The following THEMIS variants were observed in gnomAD, a reference collection of about 807,000 sequenced individuals.
THEMIS encodes thymocyte selection associated.
A neutral mutation model predicts 52.6 loss-of-function variants in THEMIS; 37 were observed. The ratio of observed to expected loss-of-function variants is 0.70; its 90% confidence interval spans 0.54 to 0.93. The LOEUF is 0.93. Among genes scored for constraint, THEMIS ranks in the 40% least tolerant of loss-of-function variants. The probability of loss-of-function intolerance (pLI) is 0.00; values close to 1 mark genes in which losing one functional copy is unlikely to be tolerated. For missense variants in THEMIS, 808 were observed against 763.1 expected (o/e 1.06, Z -0.69); for synonymous variants, 292 against 272.7 (o/e 1.07, Z -0.70).
chr6:127,716,932 C>G (rs938561280), intron 5 of THEMIS, among the ~76,000 whole-genome samples: 4 of 151,838 alleles, frequency 2.6e-5, no homozygotes, highest in African/African-American at 7.3e-5. Context: ...TTTCTCACCC[C>G]CTCCATGTTC....
At chr6:127,697,598 C>G in the THEMIS span, among the ~76,000 whole-genome samples, 233 of 152,244 alleles carry the variant, frequency 1.5e-3, 2 homozygotes, top group African/African-American at 5.5e-3. Context: ...TTTTCCCTAG[C>G]TATTCTCCAA....
intron 1 of THEMIS, among the ~76,000 whole-genome samples, chr6:127,876,403 C>A (rs1212019515): frequency 6.6e-6 from 1 of 152,174 alleles, no homozygotes; most frequent in African/African-American, 2.4e-5. Context: ...GAGTTCAGTT[C>A]TTGATATATT....
intron 3 of THEMIS, among the ~76,000 whole-genome samples, chr6:127,822,825 A>C (rs1778385743): frequency 6.6e-6 from 1 of 152,044 alleles, no homozygotes; most frequent in Non-Finnish European, 1.5e-5. Context: ...GGTGGTCTTA[A>C]GAGCAAAAAC....
the THEMIS span, among the ~76,000 whole-genome samples, chr6:127,698,693 T>C: frequency 6.6e-6 from 1 of 152,010 alleles, no homozygotes; most frequent in African/African-American, 2.4e-5. Flanking sequence ...AGAAGCTATA[T>C]ACTACATATT....
chr6:127,833,212 A>C (rs1489320823), intron 2 of THEMIS, among the ~76,000 whole-genome samples: 1 of 152,196 alleles, frequency 6.6e-6, no homozygotes, highest in African/African-American at 2.4e-5. Flanking sequence ...AAATTAATTA[A>C]TAAATGAATG....
At chr6:127,824,248 A>T (rs761468027) in intron 3 of THEMIS, among the ~76,000 whole-genome samples, 3 of 152,140 alleles carry the variant, frequency 2.0e-5, no homozygotes, top group Non-Finnish European at 2.9e-5. Flanking sequence ...GGAAGCGTGG[A>T]ACTGAAAGTG....
chr6:127,706,824 T>G (rs577937915), downstream of THEMIS, among the ~76,000 whole-genome samples: 1 of 152,108 alleles, frequency 6.6e-6, no homozygotes, highest in South Asian at 2.1e-4. Flanking sequence ...CAAAAAGTGT[T>G]CCAGGCAGGG....
intron 5 of THEMIS, among the ~76,000 whole-genome samples, chr6:127,712,872 A>G (rs1287852192): frequency 2.0e-5 from 3 of 151,928 alleles, no homozygotes; most frequent in Non-Finnish European, 4.4e-5. Context: ...AGAAAATTTC[A>G]ATTTCGTTAT....
chr6:127,916,466 T>G (rs1583424917), intron 1 of THEMIS, among the ~76,000 whole-genome samples: 1 of 152,160 alleles, frequency 6.6e-6, no homozygotes, highest in African/African-American at 2.4e-5. Flanking sequence ...TGCCTTCCTA[T>G]CCCAACCTCT....
At position 127,772,239 on chromosome 6, in the gene THEMIS, T is replaced by A. The variant is rs114315059; in HGVS notation, c.1758+40644A>T. Among the ~76,000 whole-genome samples, 229 of 152,074 alleles carry A rather than the reference T, an allele frequency of 1.5e-3. 1 individual carries two copies. The highest frequency in any genetic ancestry group is 4.9e-3 in the African/African-American group (204 of 41,538). On this transcript the variant is annotated intron_variant, in intron 4 of 5. Transcript: ENST00000368248. ...GACAGATAATGTTAAGTGGAATTGC[T>A]AGGTCAAAAAGTACACATACAAGGC...
chr6:127,699,740 A>G, the THEMIS span, among the ~76,000 whole-genome samples: 62 of 131,900 alleles, frequency 4.7e-4, no homozygotes, highest in African/African-American at 1.6e-3. Flanking sequence ...GGAAAAAAGG[A>G]AAGCAAAAAT....
At chr6:127,697,576 C>T in the THEMIS span, among the ~76,000 whole-genome samples, 6 of 152,168 alleles carry the variant, frequency 3.9e-5, no homozygotes, top group Non-Finnish European at 8.8e-5. Flanking sequence ...GTTTTCTCTA[C>T]TTTTCTTACT....
intron 4 of THEMIS, among the ~76,000 whole-genome samples, chr6:127,761,874 C>T (rs151308463): frequency 6.8e-4 from 104 of 152,176 alleles, no homozygotes; most frequent in African/African-American, 2.4e-3. Flanking sequence ...ATAGAACTAC[C>T]ATATGATCCA....
intron 2 of THEMIS, among the ~76,000 whole-genome samples, chr6:127,844,115 A>T (rs886981467): frequency 2.0e-5 from 3 of 152,014 alleles, no homozygotes; most frequent in African/African-American, 7.2e-5. Context: ...TGAACATTTG[A>T]AATCACATAT....
chr6:127,764,843 CTT>C (rs1776141072), intron 4 of THEMIS, among the ~76,000 whole-genome samples: 1 of 151,986 alleles, frequency 6.6e-6, no homozygotes, highest in African/African-American at 2.4e-5. Flanking sequence ...CTCTCTCTCT[CTT>C]TCCACATTAT....
intron 3 of THEMIS, among the ~76,000 whole-genome samples, chr6:127,819,388 A>C (rs1778257071): frequency 1.3e-5 from 2 of 152,120 alleles, no homozygotes; most frequent in Admixed American, 1.3e-4. Flanking sequence ...TACAGTGGTA[A>C]AAGAAACATT....
At chr6:127,744,233 G>A (rs1421502603) in intron 4 of THEMIS, among the ~76,000 whole-genome samples, 3 of 151,942 alleles carry the variant, frequency 2.0e-5, no homozygotes, top group Admixed American at 1.3e-4. Flanking sequence ...GTCTTTTATA[G>A]TCTCTTCTTG....
chr6:127,743,437 T>C (rs1024212300), intron 4 of THEMIS, among the ~76,000 whole-genome samples: 1 of 152,072 alleles, frequency 6.6e-6, no homozygotes, highest in Non-Finnish European at 1.5e-5. Context: ...GAAATATGAC[T>C]GGTGTTTAAG....
intron 4 of THEMIS, among the ~76,000 whole-genome samples, chr6:127,788,071 A>G (rs1777035976): frequency 1.3e-5 from 2 of 152,284 alleles, no homozygotes; most frequent in South Asian, 2.1e-4. Context: ...GGACTCACAA[A>G]CTATGACACT....
Sources: gnomAD v4.1 joint callset for allele counts (sites outside exome capture counted in the v4.1 genomes callset) on GRCh38, gnomAD v4.1.1 for gene constraint, MANE v1.5 for transcripts, NCBI Gene and HGNC (gene_info 2026-07-23, HGNC 2026-07-21) for gene names.